The following C22orf39 variants were observed in gnomAD, a reference collection of about 807,000 sequenced individuals.
C22orf39 encodes synaptic plasticity regulator PANTS.
In C22orf39, 20 loss-of-function variants were observed where a neutral mutation model predicts 18.3. The observed-to-expected ratio is 1.09, with a 90% CI of 0.77 to 1.59. The LOEUF (loss-of-function observed/expected upper bound fraction) is 1.59. Among genes scored for constraint, C22orf39 ranks in the 40% most tolerant of loss-of-function variants. The pLI is 0.00. For synonymous variants in C22orf39, 63 were observed against 59.6 expected (o/e 1.06, Z -0.26); for missense variants, 195 against 156.1 (o/e 1.25, Z -1.33).
At chr22:19,444,984 C>G (rs936981267) in intron 2 of C22orf39, among the ~76,000 whole-genome samples, 2 of 152,192 alleles carry the variant, frequency 1.3e-5, no homozygotes, top group African/African-American at 2.4e-5. Context: ...CATGGGTGAC[C>G]TTTGCTGTCA....
rs931919228 is a variant in C22orf39 at position 19,440,926 on chromosome 22, CAGG to C, written c.*3336_*3338del. The C allele has an allele frequency of 4.7e-4, 72 of 152,302 alleles. No homozygotes were observed. The highest frequency in any genetic ancestry group is 1.6e-3 in the African/African-American group (66 of 41,552). The allele number at this position is 152,302 out of a possible 1,614,324, so 9.4% of individuals were successfully genotyped here. A position where few individuals can be genotyped will look rare whatever the true frequency, so the allele number is the denominator to read the frequency against. Reference sequence around the variant, plus strand: ...TTATTTTGAAGTAATTATAGATTCACAGGAGGTTGCATAGGAGGTTGTCTAGGG... The same window carrying C: ...TTATTTTGAAGTAATTATAGATTCACAGGTTGCATAGGAGGTTGTCTAGGG... On this transcript the variant is annotated 3_prime_UTR_variant, in exon 3 of 3. Coordinates refer to ENST00000399562, the MANE Select transcript of C22orf39 (RefSeq NM_173793.5).
chr22:19,443,506 A>T lies in C22orf39; in HGVS notation c.*759T>A. The T allele has an allele frequency of 2.0e-6, 2 of 985,872 alleles. No individual in the cohort carries two copies. Among genetic ancestry groups the T allele is most frequent in the Non-Finnish European group, 2.4e-6 (2 of 829,934 alleles). 61.1% of individuals were successfully genotyped at this position (985,872 alleles called of 1,614,324 possible). The stretch of plus-strand genomic sequence containing the variant: ...TAATTTTCAGCTTCTATTTGAAATC[A>T]GATGAAATAGCTTTTGATACATTAA... On this transcript the variant is annotated 3_prime_UTR_variant, in exon 3 of 3. Coordinates refer to ENST00000399562, the MANE Select transcript of C22orf39 (RefSeq NM_173793.5).
rs1034531340 is a variant in C22orf39 at position 19,443,401 on chromosome 22, TAAC to T, written c.*861_*863del. The T allele has an allele frequency of 3.6e-5, 35 of 985,776 alleles. No individual in the cohort carries two copies. Among genetic ancestry groups the T allele is most frequent in the African/African-American group, 2.3e-4 (13 of 57,350 alleles). The allele number at this position is 985,776 out of a possible 1,614,324, so 61.1% of individuals were successfully genotyped here. A position where few individuals can be genotyped will look rare whatever the true frequency, so the allele number is the denominator to read the frequency against. ...GGTGGTTCATACATTTTAAAACACT[TAAC>T]AAGAGAATAAGCATACAAATTTCTA... On this transcript the variant is annotated 3_prime_UTR_variant, in exon 3 of 3. Transcript: ENST00000399562.
Position 19,444,071 on chromosome 22 carries a change from C to T in C22orf39, c.*194G>A, listed in dbSNP as rs1319230051. The T allele has an allele frequency of 7.6e-6, 10 of 1,322,052 alleles. No individual in the cohort carries two copies. Among genetic ancestry groups the T allele is most frequent in the East Asian group, 3.2e-5 (1 of 31,686 alleles). The allele number at this position is 1,322,052 out of a possible 1,614,324, so 81.9% of individuals were successfully genotyped here. The stretch of plus-strand genomic sequence containing the variant: ...GCGGTGCAATTGTCCTGCAGAACAT[C>T]GCAGTGTCAGGGTATCCTGCATGCA... On this transcript the variant is annotated 3_prime_UTR_variant, in exon 3 of 3. Transcript: ENST00000399562.
chr22:19,441,433 TCAA>T lies in C22orf39; in HGVS notation c.*2829_*2831del. The T allele has an allele frequency of 1.9e-6, 1 of 528,662 alleles. No individual in the cohort carries two copies. The allele number at this position is 528,662 out of a possible 1,614,324, so 32.7% of individuals were successfully genotyped here. ...GTACGGATACATATTGTTTTGTATT[TCAA>T]CAATAATATGCTATATATAACAGTC... On this transcript the variant is annotated 3_prime_UTR_variant, in exon 3 of 3. Coordinates refer to ENST00000399562, the MANE Select transcript of C22orf39 (RefSeq NM_173793.5).
At position 19,441,062 on chromosome 22, in the gene C22orf39, TCA is replaced by T. The variant is rs2089609777; in HGVS notation, c.*3201_*3202del. 6.5e-6 allele frequency: 1 copy of T among 152,924 alleles called. No individual in the cohort carries two copies. The highest frequency in any genetic ancestry group is 1.5e-5 in the Non-Finnish European group (1 of 68,626). 9.5% of individuals were successfully genotyped at this position (152,924 alleles called of 1,614,324 possible). ...CATTGGTACAGTCTACAGAACATAC[TCA>T]GTTTCCCCAGTTACATCTGTACTCC... On this transcript the variant is annotated 3_prime_UTR_variant, in exon 3 of 3. Transcript: ENST00000399562.
chr22:19,445,221 T>G (rs1158054062), intron 2 of C22orf39, among the ~76,000 whole-genome samples: 1 of 152,216 alleles, frequency 6.6e-6, no homozygotes, highest in Non-Finnish European at 1.5e-5. Context: ...ATTTTAGAGC[T>G]AACATGTTTC....
Position 19,442,288 on chromosome 22 carries a change from A to G in C22orf39, c.*1977T>C, listed in dbSNP as rs756498771. Reference sequence around the variant, plus strand: ...CAGGAACATCCTGTCCAGAGAGATTATCTGTTGATGTGGAACTTGAGTAGT... The same window carrying G: ...CAGGAACATCCTGTCCAGAGAGATTGTCTGTTGATGTGGAACTTGAGTAGT... On this transcript the variant is annotated 3_prime_UTR_variant, in exon 3 of 3. Coordinates refer to ENST00000399562, the MANE Select transcript of C22orf39 (RefSeq NM_173793.5). The G allele has an allele frequency of 3.3e-5, 5 of 152,420 alleles. No homozygotes were observed. The highest frequency in any genetic ancestry group is 1.2e-4 in the African/African-American group (5 of 41,472). 9.4% of individuals were successfully genotyped at this position (152,420 alleles called of 1,614,324 possible).
chr22:19,447,140 T>C (rs2089645043), intron 2 of C22orf39, among the ~76,000 whole-genome samples: 1 of 108,622 alleles, frequency 9.2e-6, no homozygotes, highest in Non-Finnish European at 1.9e-5. Flanking sequence ...GGCTGCCCTC[T>C]TCCCTCTCTA....
At chr22:19,446,757 C>T (rs1193611895) in intron 2 of C22orf39, among the ~76,000 whole-genome samples, 1 of 152,040 alleles carries the variant, frequency 6.6e-6, no homozygotes, top group African/African-American at 2.4e-5. Context: ...GGCTGGTGTG[C>T]AGTGGTGTGA....
rs2089623160 is a variant in C22orf39 at position 19,443,255 on chromosome 22, G to A, written c.*1010C>T. On this transcript the variant is annotated 3_prime_UTR_variant, in exon 3 of 3. Coordinates refer to ENST00000399562, the MANE Select transcript of C22orf39 (RefSeq NM_173793.5). Reference sequence around the variant, plus strand: ...AACTTGCTGCCTGTGTCCAGGAAGAGAGCAGGGAGGGTGCTGGGCACAGAC... The same window carrying A: ...AACTTGCTGCCTGTGTCCAGGAAGAAAGCAGGGAGGGTGCTGGGCACAGAC... 1.0e-6 allele frequency: 1 copy of A among 985,394 alleles called. No homozygotes were observed. Among genetic ancestry groups the A allele is most frequent in the Non-Finnish European group, 1.2e-6 (1 of 829,978 alleles). 61.0% of individuals were successfully genotyped at this position (985,394 alleles called of 1,614,324 possible). A position where few individuals can be genotyped will look rare whatever the true frequency, so the allele number is the denominator to read the frequency against.
At chr22:19,447,096 C>T (rs1008294940) in intron 2 of C22orf39, among the ~76,000 whole-genome samples, 10 of 152,172 alleles carry the variant, frequency 6.6e-5, no homozygotes, top group Non-Finnish European at 1.2e-4. Context: ...ACATCACCTC[C>T]TGCGTAGGCC....
intron 2 of C22orf39, 62 bp downstream of exon 2, chr22:19,447,316 G>A (rs1268189103): frequency 5.8e-6 from 8 of 1,382,596 alleles, no homozygotes; most frequent in East Asian, 6.1e-5. Context: ...GGCGTGGAGG[G>A]GTGGGGAAAG....
At position 19,441,908 on chromosome 22, in the gene C22orf39, TCTCAG is replaced by T. The variant is rs1297709941; in HGVS notation, c.*2352_*2356del. On this transcript the variant is annotated 3_prime_UTR_variant, in exon 3 of 3. Coordinates refer to ENST00000399562, the MANE Select transcript of C22orf39 (RefSeq NM_173793.5). ...CTCCTGGGCTCAAACAATCCTCCTATCTCAGCCTCCGAAGTAGCTGGAACTACAAA... is the reference window on the plus strand; with the variant it reads ...CTCCTGGGCTCAAACAATCCTCCTATCCTCCGAAGTAGCTGGAACTACAAA... 1.9e-6 allele frequency: 1 copy of T among 530,106 alleles called. No individual in the cohort carries two copies. Among genetic ancestry groups the T allele is most frequent in the Non-Finnish European group, 3.3e-6 (1 of 306,974 alleles). The allele number at this position is 530,106 out of a possible 1,614,324, so 32.8% of individuals were successfully genotyped here. A position where few individuals can be genotyped will look rare whatever the true frequency, so the allele number is the denominator to read the frequency against.
chr22:19,447,355 C>T, intron 2 of C22orf39, 23 bp downstream of exon 2: 1 of 1,455,692 alleles, frequency 6.9e-7, no homozygotes, highest in Non-Finnish European at 9.0e-7. Flanking sequence ...TCCGAAGCGC[C>T]GCCCCGCTCC....
At chr22:19,447,153 C>T (rs2089645177) in intron 2 of C22orf39, among the ~76,000 whole-genome samples, 1 of 47,942 alleles carries the variant, frequency 2.1e-5, no homozygotes, top group African/African-American at 7.0e-5. Flanking sequence ...CCTCTCTAAA[C>T]CACTCTACAC....
chr22:19,443,220 A>T lies in C22orf39; in HGVS notation c.*1045T>A. Reference sequence around the variant, plus strand: ...TTATTCTGCCCCAAAGAACAAATTAAAAGATATTCAACTTGCTGCCTGTGT... The same window carrying T: ...TTATTCTGCCCCAAAGAACAAATTATAAGATATTCAACTTGCTGCCTGTGT... On this transcript the variant is annotated 3_prime_UTR_variant, in exon 3 of 3. Transcript: ENST00000399562. The T allele has an allele frequency of 1.0e-6, 1 of 985,442 alleles. No homozygotes were observed. The highest frequency in any genetic ancestry group is 1.2e-6 in the Non-Finnish European group (1 of 829,946). 61.0% of individuals were successfully genotyped at this position (985,442 alleles called of 1,614,324 possible).
intron 2 of C22orf39, among the ~76,000 whole-genome samples, 184 bp from the exon 3 acceptor site, chr22:19,444,574 A>G (rs952670105): frequency 2.0e-5 from 3 of 152,182 alleles, no homozygotes; most frequent in Non-Finnish European, 4.4e-5. Context: ...GCGCACAGAG[A>G]TGGAGATCAT....
chr22:19,443,417 A>G lies in C22orf39; in HGVS notation c.*848T>C. On this transcript the variant is annotated 3_prime_UTR_variant, in exon 3 of 3. Transcript: ENST00000399562. ...TAAAACACTTAACAAGAGAATAAGC[A>G]TACAAATTTCTAATACTGTCCAGGT... is the stretch of plus-strand genomic sequence containing the variant. 1 of 985,870 alleles carries G rather than the reference A, an allele frequency of 1.0e-6. No individual in the cohort carries two copies. Among genetic ancestry groups the G allele is most frequent in the Non-Finnish European group, 1.2e-6 (1 of 829,932 alleles). 61.1% of individuals were successfully genotyped at this position (985,870 alleles called of 1,614,324 possible).
Sources: gnomAD v4.1 joint callset for allele counts (sites outside exome capture counted in the v4.1 genomes callset) on GRCh38, gnomAD v4.1.1 for gene constraint, MANE v1.5 for transcripts, NCBI Gene and HGNC (gene_info 2026-07-23, HGNC 2026-07-21) for gene names.